The following STK32B variants were observed in gnomAD, a reference collection of about 807,000 sequenced individuals.
The protein encoded by STK32B is serine/threonine kinase 32B.
STK32B carries 43 observed loss-of-function variants against 52.6 expected under a neutral mutation model. The observed-to-expected ratio is 0.82, with a 90% CI of 0.64 to 1.05. The LOEUF is 1.05. STK32B is among the 50% of genes least tolerant of loss of function. STK32B has a pLI of 0.00. For missense variants in STK32B, 621 were observed against 534.6 expected, an observed-to-expected ratio of 1.16 and a Z score of -1.59; for synonymous variants, 238 against 204.3, an observed-to-expected ratio of 1.17 and a Z score of -1.41.
At chr4:5,213,015 A>G (rs1218845709) in intron 3 of STK32B, among the ~76,000 whole-genome samples, 2 of 152,208 alleles carry the variant, frequency 1.3e-5, no homozygotes, top group African/African-American at 4.8e-5. Context: ...CCTGATCAGC[A>G]TGAATTCACT....
At chr4:5,363,088 T>C (rs1021407947) in intron 4 of STK32B, among the ~76,000 whole-genome samples, 3 of 152,200 alleles carry the variant, frequency 2.0e-5, no homozygotes, top group Admixed American at 2.0e-4. Flanking sequence ...TTAACACATT[T>C]CTTCCACTAG....
chr4:5,185,935 T>A (rs1303461831), intron 3 of STK32B, among the ~76,000 whole-genome samples: 1 of 152,166 alleles, frequency 6.6e-6, no homozygotes, highest in East Asian at 1.9e-4. Flanking sequence ...GGTTTGTGGG[T>A]GATCTGTCAT....
At chr4:5,366,999 TAGTA>T (rs1199814753) in intron 4 of STK32B, among the ~76,000 whole-genome samples, 1 of 152,134 alleles carries the variant, frequency 6.6e-6, no homozygotes, top group East Asian at 1.9e-4. Context: ...ATTAAAATGA[TAGTA>T]AGTAGTGAAG....
At chr4:5,114,643 A>G (rs1198008658) in intron 1 of STK32B, among the ~76,000 whole-genome samples, 2 of 152,234 alleles carry the variant, frequency 1.3e-5, no homozygotes, top group Non-Finnish European at 2.9e-5. Flanking sequence ...GAGTAGAGAC[A>G]TATAACTTAC....
At chr4:5,143,125 G>GTCTA (rs1553835303) in intron 2 of STK32B, among the ~76,000 whole-genome samples, 1 of 99,998 alleles carries the variant, frequency 1.0e-5, no homozygotes, top group African/African-American at 3.1e-5. Context: ...CTGTCTGTCT[G>GTCTA]TCTGTCTATC....
At chr4:5,194,103 G>C (rs1045586374) in intron 3 of STK32B, among the ~76,000 whole-genome samples, 1 of 152,092 alleles carries the variant, frequency 6.6e-6, no homozygotes, top group Non-Finnish European at 1.5e-5. Flanking sequence ...TCTCTCACTT[G>C]CCTGTTTGAT....
At chr4:5,028,563 C>T in the STK32B span, among the ~76,000 whole-genome samples, 1 of 152,360 alleles carries the variant, frequency 6.6e-6, no homozygotes, top group South Asian at 2.1e-4. Context: ...TGCTTTCTCT[C>T]TGCCATGGGA....
chr4:5,466,880 A>G (rs1407133116), intron 10 of STK32B, 46 bp downstream of exon 10: 4 of 1,591,176 alleles, frequency 2.5e-6, no homozygotes, highest in Admixed American at 3.6e-5. Flanking sequence ...TCCTGTGCTC[A>G]TAGGGAAATG....
chr4:5,352,616 A>AT (rs148616131), intron 4 of STK32B, among the ~76,000 whole-genome samples: 25,911 of 147,802 alleles, frequency 0.18, 3,249 homozygotes, highest in African/African-American at 0.36. Flanking sequence ...AGAGAAAGAA[A>AT]TAAAAAAAAA....
intron 3 of STK32B, among the ~76,000 whole-genome samples, chr4:5,292,457 A>G (rs1338180766): frequency 2.6e-5 from 4 of 151,746 alleles, no homozygotes; most frequent in Non-Finnish European, 4.4e-5. Flanking sequence ...AGACGTGTCT[A>G]TTCATTTCCT....
intron 7 of STK32B, among the ~76,000 whole-genome samples, chr4:5,450,664 G>A (rs16837251): frequency 0.15 from 22,796 of 152,152 alleles, 1,909 homozygotes; most frequent in East Asian, 0.28. Flanking sequence ...TTCAGAATCC[G>A]TTTGTATTAA....
intron 3 of STK32B, among the ~76,000 whole-genome samples, chr4:5,266,835 G>GAGCA (rs1727086627): frequency 6.6e-6 from 1 of 152,152 alleles, no homozygotes; most frequent in Admixed American, 6.5e-5. Flanking sequence ...AGTTAAATGA[G>GAGCA]AGCAAGAGTA....
chr4:5,239,599 AC>A (rs1237541121), intron 3 of STK32B, among the ~76,000 whole-genome samples: 1 of 152,062 alleles, frequency 6.6e-6, no homozygotes, highest in African/African-American at 2.4e-5. Flanking sequence ...CTGAGTGTGC[AC>A]CCAACTGATG....
At chr4:5,257,003 G>GTGAGTGGATGAATAAGTGAA (rs1408400762) in intron 3 of STK32B, among the ~76,000 whole-genome samples, 3 of 152,140 alleles carry the variant, frequency 2.0e-5, no homozygotes, top group African/African-American at 7.2e-5. Context: ...GAATATGTGA[G>GTGAGTGGATGAATAAGTGAA]TGAGTGGATG....
chr4:5,440,022 T>C (rs1455689112), intron 6 of STK32B, among the ~76,000 whole-genome samples: 3 of 152,224 alleles, frequency 2.0e-5, no homozygotes, highest in Non-Finnish European at 4.4e-5. Flanking sequence ...TAGTATAGTT[T>C]GAAGTCAGGT....
rs187129385 is a variant in STK32B, at chr4:5,280,806, G to A, written c.261-50414G>A. ...CCCAGCTACTTGGGAGACTGAGGCA[G>A]GAGAATCACTTGAGCCCAGAAGGCA... On this transcript the variant is annotated intron_variant, in intron 3 of 11. Transcript: ENST00000282908. Among the ~76,000 whole-genome samples, 5 of 152,238 alleles carry A rather than the reference G, an allele frequency of 3.3e-5. No individual in the cohort carries two copies. The East Asian group carries it at 9.7e-4, about 29-fold the overall frequency.
chr4:5,058,651 C>T lies in STK32B; in HGVS notation c.52+6736C>T, dbSNP rs1035240355. Among the ~76,000 whole-genome samples the T allele has an allele frequency of 3.6e-4, 55 of 152,188 alleles. No individual in the cohort carries two copies. Among genetic ancestry groups the T allele is most frequent in the African/African-American group, 1.3e-3 (53 of 41,444 alleles). On this transcript the variant is annotated intron_variant, in intron 1 of 11. Coordinates refer to ENST00000282908, the MANE Select transcript of STK32B (RefSeq NM_018401.3). This position sits in a 1 kb window ranked among gnomAD's most constrained non-coding sequence, Gnocchi z 4.8. ...GATTGTGACTCACTGCAGCCTCAAC[C>T]TCCCCGGCTCAAGCAATCCTCCTGT...
chr4:5,446,995 G>T (rs192435180), intron 7 of STK32B: 8 of 506,888 alleles, frequency 1.6e-5, no homozygotes, highest in South Asian at 1.1e-4. Context: ...GGCATTCAGT[G>T]GGGGAGGGTC....
chr4:5,376,926 C>T (rs1049242072), intron 4 of STK32B, among the ~76,000 whole-genome samples: 26 of 152,132 alleles, frequency 1.7e-4, no homozygotes, highest in Admixed American at 9.8e-4. Flanking sequence ...TGGTGCCCTG[C>T]AGTCTGCCCA....
Sources: allele counts gnomAD v4.1 joint callset (sites outside exome capture counted in the v4.1 genomes callset), GRCh38; gene constraint gnomAD v4.1.1; non-coding constraint Gnocchi (gnomAD v3.1); transcripts MANE v1.5; gene names NCBI Gene and HGNC (gene_info 2026-07-23, HGNC 2026-07-21).